Variants in DNAAF9 observed in about 807,000 individuals in gnomAD.
DNAAF9 encodes dynein axonemal assembly factor 9, also known as shulin.
A neutral mutation model predicts 167.0 loss-of-function variants in DNAAF9; 90 were observed. The ratio of observed to expected loss-of-function variants is 0.54; its 90% CI spans 0.45 to 0.64. The LOEUF is 0.64. Ranked by LOEUF, DNAAF9 falls within the 30% of genes least tolerant of loss-of-function variation. The pLI is 0.00. For synonymous variants in DNAAF9, 491 were observed against 508.8 expected, an observed-to-expected ratio of 0.96 and a Z score of 0.47; for missense variants, 1,315 against 1,442.2, an observed-to-expected ratio of 0.91 and a Z score of 1.43.
rs2068834819 is a variant in DNAAF9 at position 3,285,463 on chromosome 20, G to T, written c.2486+2169C>A. On this transcript the variant is annotated intron_variant, in intron 27 of 36. Transcript: ENST00000252032. ...GGAGGCCAAGGCAGGCGGATCACTT[G>T]AGGTCAGGAGTTCAAGACCAGCCTA... Among the ~76,000 whole-genome samples, 9 of 152,274 alleles carry T rather than the reference G, an allele frequency of 5.9e-5. No homozygotes were observed. The South Asian group carries it at 1.9e-3, about 32-fold the overall frequency.
chr20:3,377,075 T>C (rs928500486), intron 3 of DNAAF9, among the ~76,000 whole-genome samples: 2 of 137,956 alleles, frequency 1.4e-5, no homozygotes, highest in African/African-American at 7.0e-5. Context: ...TCTCAAAAAA[T>C]AAAAATAAAA....
chr20:3,295,982 T>C lies in DNAAF9; in HGVS notation c.2018+879A>G. The C allele has an allele frequency of 4.5e-6, 7 of 1,570,766 alleles. No homozygotes were observed. In the Admixed American group the frequency reaches 1.2e-4, roughly 26 times the overall value. ...CCAGATCTTGGTCAGGCATTTCACT[T>C]TGGGAGGCACCATGTTGTACACATC... On this transcript the variant is annotated intron_variant, in intron 23 of 36. Coordinates refer to ENST00000252032, the MANE Select transcript of DNAAF9 (RefSeq NM_001009984.3).
intron 10 of DNAAF9, 65 bp downstream of exon 10, chr20:3,340,439 C>T (rs1474653383): frequency 2.5e-5 from 5 of 196,288 alleles, no homozygotes; most frequent in South Asian, 1.4e-4. Context: ...TAGCTCCCCC[C>T]ACCCACCCCA....
chr20:3,305,725 A>G (rs760177776), intron 20 of DNAAF9, among the ~76,000 whole-genome samples: 7 of 152,084 alleles, frequency 4.6e-5, no homozygotes, highest in Non-Finnish European at 8.8e-5. Context: ...GTGAAGGGAG[A>G]AGGAGGCAGT....
At chr20:3,341,390 T>A (rs2070082500) in intron 9 of DNAAF9, among the ~76,000 whole-genome samples, 1 of 151,966 alleles carries the variant, frequency 6.6e-6, no homozygotes, top group African/African-American at 2.4e-5. Flanking sequence ...CTCCCCTCAG[T>A]CTCCCCAGTC....
chr20:3,268,197 T>A (rs1290092077), intron 30 of DNAAF9, among the ~76,000 whole-genome samples: 1 of 151,590 alleles, frequency 6.6e-6, no homozygotes, highest in Non-Finnish European at 1.5e-5. Flanking sequence ...CCTGGCCAAT[T>A]TTTTGTATTT....
At chr20:3,296,604 T>A in intron 23 of DNAAF9, 1 of 448,656 alleles carries the variant, frequency 2.2e-6, no homozygotes, top group Non-Finnish European at 4.0e-6. Flanking sequence ...TAGTCTCTAA[T>A]TCTTGTGCTC....
intron 29 of DNAAF9, among the ~76,000 whole-genome samples, chr20:3,278,267 C>T (rs909804862): frequency 4.6e-5 from 7 of 152,038 alleles, no homozygotes; most frequent in African/African-American, 1.7e-4. Flanking sequence ...AGACAGGTCC[C>T]GCTGGGCCAA....
intron 30 of DNAAF9, among the ~76,000 whole-genome samples, chr20:3,268,920 T>C (rs9784197): frequency 0.043 from 5,434 of 126,746 alleles, 157 homozygotes; most frequent in East Asian, 0.15. Flanking sequence ...TTTTTTTTTT[T>C]TGAGACAGAG....
At chr20:3,393,985 A>G (rs2083864737) in intron 1 of DNAAF9, among the ~76,000 whole-genome samples, 1 of 152,150 alleles carries the variant, frequency 6.6e-6, no homozygotes, top group Non-Finnish European at 1.5e-5. Context: ...TTCTTTACCT[A>G]CTTTCTAGTC....
At chr20:3,374,701 C>T (rs898690823) in intron 5 of DNAAF9, among the ~76,000 whole-genome samples, 1 of 152,178 alleles carries the variant, frequency 6.6e-6, no homozygotes, top group Non-Finnish European at 1.5e-5. Context: ...TAGAAGTTAT[C>T]CAAATCCCTC....
At chr20:3,369,973 TA>T (rs11289716) in intron 6 of DNAAF9, among the ~76,000 whole-genome samples, 25,352 of 150,018 alleles carry the variant, frequency 0.17, 2,288 homozygotes, top group Non-Finnish European at 0.19. Flanking sequence ...GGTCTTCTTT[TA>T]AAAAAAAAAA....
At chr20:3,392,818 T>C (rs1260478781) in intron 1 of DNAAF9, among the ~76,000 whole-genome samples, 1 of 152,232 alleles carries the variant, frequency 6.6e-6, no homozygotes. Flanking sequence ...ATTAAACAAT[T>C]AAAATACTAA....
rs760638481 is a variant in DNAAF9 at position 3,318,396 on chromosome 20, C to G, written c.1361G>C (p.Cys454Ser). The change falls in exon 17 of 37, where the codon TGT becomes TCT. Residue 454 changes from cysteine to serine, a missense_variant. This residue lies in a region of DNAAF9 where 981 missense variants were observed against 1,012.5 expected (regional missense o/e 0.97). Coordinates refer to ENST00000252032, the MANE Select transcript of DNAAF9 (RefSeq NM_001009984.3). ...EDSLSFVKTACMAVYDIPDLL... is the reference protein window; with the variant it reads ...EDSLSFVKTASMAVYDIPDLL... ...GTCAGGAATGTCATAGACGGCCATACAAGCCTGCATTGAATGAGAAACCAG... is the reference window on the plus strand; with the variant it reads ...GTCAGGAATGTCATAGACGGCCATAGAAGCCTGCATTGAATGAGAAACCAG... The G allele has an allele frequency of 6.5e-7, 1 of 1,549,408 alleles. No homozygotes were observed. Among genetic ancestry groups the G allele is most frequent in the South Asian group, 1.1e-5 (1 of 89,670 alleles).
At chr20:3,404,994 A>T (rs1328883233) in intron 1 of DNAAF9, among the ~76,000 whole-genome samples, 1 of 152,230 alleles carries the variant, frequency 6.6e-6, no homozygotes, top group Non-Finnish European at 1.5e-5. Context: ...CAGCCCCAAC[A>T]GCTACCATGA....
intron 7 of DNAAF9, among the ~76,000 whole-genome samples, chr20:3,354,153 G>T (rs1178285313): frequency 6.6e-6 from 1 of 152,178 alleles, no homozygotes; most frequent in Non-Finnish European, 1.5e-5. Context: ...GAGGATTCAA[G>T]ACTAACAAGC....
chr20:3,297,370 C>T (rs949125325), intron 22 of DNAAF9, among the ~76,000 whole-genome samples: 2 of 152,138 alleles, frequency 1.3e-5, no homozygotes, highest in Non-Finnish European at 2.9e-5. Flanking sequence ...AAAGGTCCAG[C>T]AAAGGTGGAA....
intron 9 of DNAAF9, 101 bp from the exon 10 acceptor site, chr20:3,340,740 G>T: frequency 9.2e-7 from 1 of 1,090,722 alleles, no homozygotes; most frequent in Non-Finnish European, 1.4e-6. Context: ...AGGGACACTT[G>T]CGGCCTGAGC....
intron 25 of DNAAF9, among the ~76,000 whole-genome samples, chr20:3,293,173 A>G (rs1328484470): frequency 6.6e-6 from 1 of 151,214 alleles, no homozygotes; most frequent in Non-Finnish European, 1.5e-5. Context: ...CATGCCTGTA[A>G]TCCCAGCTAC....
Sources: allele counts gnomAD v4.1 joint callset (sites outside exome capture counted in the v4.1 genomes callset), GRCh38; gene constraint gnomAD v4.1.1; regional missense constraint gnomAD v4.1.1; transcripts MANE v1.5; gene names NCBI Gene and HGNC (gene_info 2026-07-23, HGNC 2026-07-21).